The following SCARA5 variants were observed in gnomAD, a reference collection of about 807,000 sequenced individuals.
The protein encoded by SCARA5 is scavenger receptor class A, member 5 (putative).
Under a neutral mutation model 46.3 loss-of-function variants are expected in SCARA5, and 45 were observed. The ratio of observed to expected loss-of-function variants is 0.97; its 90% confidence interval spans 0.76 to 1.24. The LOEUF is 1.24. Among genes scored for constraint, SCARA5 ranks in the 50% most tolerant of loss-of-function variants. The pLI, the probability that SCARA5 is intolerant of heterozygous loss-of-function variation, is 0.00. For missense variants in SCARA5, 680 were observed against 689.0 expected (o/e 0.99, Z 0.15); for synonymous variants, 333 against 306.5 (o/e 1.09, Z -0.90).
At chr8:27,897,382 CTAAA>C (rs1807080826) in intron 7 of SCARA5, among the ~76,000 whole-genome samples, 3 of 152,216 alleles carry the variant, frequency 2.0e-5, no homozygotes, top group African/African-American at 7.2e-5. Flanking sequence ...GAAATGTTTT[CTAAA>C]TAAACAGTCA....
intron 3 of SCARA5, among the ~76,000 whole-genome samples, chr8:27,924,456 T>C (rs1242890508): frequency 6.6e-6 from 1 of 152,200 alleles, no homozygotes; most frequent in Non-Finnish European, 1.5e-5. Context: ...CTGGAGGAGA[T>C]AAGTCATTCC....
chr8:27,887,294 C>T (rs1806912005), intron 7 of SCARA5, among the ~76,000 whole-genome samples: 3 of 152,124 alleles, frequency 2.0e-5, no homozygotes, highest in Admixed American at 6.5e-5. Flanking sequence ...CATACCACTC[C>T]CGTGTGGGTA....
At chr8:27,915,618 G>T (rs975764907) in intron 4 of SCARA5, among the ~76,000 whole-genome samples, 22 of 152,158 alleles carry the variant, frequency 1.4e-4, no homozygotes, top group African/African-American at 4.8e-4. Flanking sequence ...TGCTGAACTG[G>T]ACTCTCTAAT....
chr8:27,942,418 C>A (rs1456322982), intron 3 of SCARA5, among the ~76,000 whole-genome samples: 3 of 152,178 alleles, frequency 2.0e-5, no homozygotes, highest in Admixed American at 6.5e-5. Flanking sequence ...CAACCACCAC[C>A]ACCAAGCCTG....
At chr8:27,986,454 C>A (rs1808706153) in intron 2 of SCARA5, among the ~76,000 whole-genome samples, 1 of 152,126 alleles carries the variant, frequency 6.6e-6, no homozygotes, top group Non-Finnish European at 1.5e-5. Flanking sequence ...TTTGGAGAAT[C>A]CCTGGCTGCT....
At chr8:27,883,505 C>T (rs1299273527) in intron 7 of SCARA5, among the ~76,000 whole-genome samples, 1 of 152,178 alleles carries the variant, frequency 6.6e-6, no homozygotes, top group African/African-American at 2.4e-5. Flanking sequence ...ATTAGGAACA[C>T]CAGATTCCAC....
intron 7 of SCARA5, among the ~76,000 whole-genome samples, chr8:27,898,826 A>C (rs1807104473): frequency 1.3e-5 from 2 of 152,190 alleles, no homozygotes; most frequent in Non-Finnish European, 2.9e-5. Flanking sequence ...CAGTGATTTA[A>C]TCAGTCATGC....
At chr8:27,932,832 T>C (rs945000895) in intron 3 of SCARA5, among the ~76,000 whole-genome samples, 1 of 152,196 alleles carries the variant, frequency 6.6e-6, no homozygotes, top group Non-Finnish European at 1.5e-5. Flanking sequence ...GGTTTCATCA[T>C]ATTGGCCAGG....
chr8:27,978,213 G>T (rs1808558488), intron 2 of SCARA5, among the ~76,000 whole-genome samples: 1 of 147,526 alleles, frequency 6.8e-6, no homozygotes. Flanking sequence ...TTTTTTTTAG[G>T]AGAGAAAAGG....
chr8:27,938,024 G>C (rs1807884826), intron 3 of SCARA5, among the ~76,000 whole-genome samples: 1 of 152,188 alleles, frequency 6.6e-6, no homozygotes, highest in Admixed American at 6.5e-5. Flanking sequence ...GTTAGGGAGG[G>C]CTCTTCCTAA....
intron 2 of SCARA5, among the ~76,000 whole-genome samples, chr8:27,977,685 AC>A (rs1326039425): frequency 6.6e-6 from 1 of 152,036 alleles, no homozygotes; most frequent in Non-Finnish European, 1.5e-5. Context: ...TTGACACTGC[AC>A]CTCCCGGTTA....
chr8:27,934,266 G>T (rs995542597), intron 3 of SCARA5, among the ~76,000 whole-genome samples: 1 of 152,188 alleles, frequency 6.6e-6, no homozygotes, highest in Non-Finnish European at 1.5e-5. Context: ...AGGGCTAGGA[G>T]AGCTAGGAAG....
intron 2 of SCARA5, among the ~76,000 whole-genome samples, chr8:27,966,936 C>T (rs753572460): frequency 6.6e-6 from 1 of 152,206 alleles, no homozygotes; most frequent in Non-Finnish European, 1.5e-5. Flanking sequence ...CAAACTCAAA[C>T]TTCTACAGTG....
rs1806646367 is a variant in SCARA5, at chr8:27,871,956, C to T, written c.1466G>A (p.Ser489Asn). 6.2e-7 allele frequency: 1 copy of T among 1,614,120 alleles called. No homozygotes were observed. Among genetic ancestry groups the T allele is most frequent in the Non-Finnish European group, 8.5e-7 (1 of 1,180,062 alleles). Reference sequence around the variant, plus strand: ...CTTTCAGTGTCTGTTGCATGTCACGCTGGCATCTTCGGCATGTCCACAGTT... The same window carrying T: ...CTTTCAGTGTCTGTTGCATGTCACGTTGGCATCTTCGGCATGTCCACAGTT... ...VTNCGHAEDA[S>N]VTCNRH Residue 489 changes from serine to asparagine, a missense_variant, in exon 9 of 9, where the codon AGC (serine) becomes AAC (asparagine). By Grantham distance (46) the Ser-to-Asn change is conservative (BLOSUM62 1). Transcript: ENST00000354914.
chr8:27,981,475 C>T (rs1447559464), intron 2 of SCARA5, among the ~76,000 whole-genome samples: 5 of 152,168 alleles, frequency 3.3e-5, no homozygotes, highest in South Asian at 2.1e-4. Flanking sequence ...GGGCAGAAGC[C>T]GGAGGAGTAA....
chr8:27,974,029 G>A (rs1808485352), intron 2 of SCARA5, among the ~76,000 whole-genome samples: 1 of 152,156 alleles, frequency 6.6e-6, no homozygotes, highest in Admixed American at 6.5e-5. Context: ...GAACAGGAAA[G>A]TTTATATAAA....
At chr8:27,939,808 G>A (rs992053009) in intron 3 of SCARA5, among the ~76,000 whole-genome samples, 4 of 152,194 alleles carry the variant, frequency 2.6e-5, no homozygotes, top group Non-Finnish European at 5.9e-5. Flanking sequence ...TACAGATGAA[G>A]CTTAGAGAGA....
At chr8:27,957,853 G>A (rs1434186420) in intron 3 of SCARA5, among the ~76,000 whole-genome samples, 2 of 152,236 alleles carry the variant, frequency 1.3e-5, no homozygotes, top group African/African-American at 2.4e-5. Flanking sequence ...GCTAATTAGT[G>A]ATCAGTGAAG....
At chr8:27,983,332 C>T (rs1488604050) in intron 2 of SCARA5, among the ~76,000 whole-genome samples, 1 of 152,216 alleles carries the variant, frequency 6.6e-6, no homozygotes, top group African/African-American at 2.4e-5. Context: ...GGGTGAGTGT[C>T]TGTTGGGGGT....
Sources: allele counts gnomAD v4.1 joint callset (sites outside exome capture counted in the v4.1 genomes callset), GRCh38; gene constraint gnomAD v4.1.1; transcripts MANE v1.5; gene names NCBI Gene and HGNC (gene_info 2026-07-23, HGNC 2026-07-21).